SIRT1: variants seen among roughly 807,000 people sequenced by gnomAD.
SIRT1 encodes NAD-dependent protein deacetylase sirtuin-1.
In SIRT1, 24 loss-of-function variants were observed where a neutral mutation model predicts 67.9. The observed-to-expected ratio is 0.35, with a 90% CI of 0.26 to 0.50. SIRT1 has a LOEUF of 0.50. SIRT1 is among the 20% of genes least tolerant of loss of function. The pLI is 0.98. For missense variants in SIRT1, 873 were observed against 937.2 expected (o/e 0.93, Z 0.89); for synonymous variants, 378 against 350.7 (o/e 1.08, Z -0.87).
chr10:67,885,458 G>C (rs1245199119), intron 1 of SIRT1: 6 of 1,136,900 alleles, frequency 5.3e-6, no homozygotes, highest in Non-Finnish European at 6.6e-6. Context: ...TACTCTTTTA[G>C]CATATTGCTT....
intron 2 of SIRT1, among the ~76,000 whole-genome samples, chr10:67,888,110 A>T (rs1335490063): frequency 6.6e-6 from 1 of 152,246 alleles, no homozygotes; most frequent in East Asian, 1.9e-4. Flanking sequence ...TGCCTGGCAC[A>T]TAGTTTGTGC....
chr10:67,895,213 A>C (rs1842634597), intron 4 of SIRT1, among the ~76,000 whole-genome samples: 1 of 152,088 alleles, frequency 6.6e-6, no homozygotes, highest in Non-Finnish European at 1.5e-5. Context: ...TGAGGTCAGG[A>C]GTTCAAGACC....
At chr10:67,901,096 G>A (rs1286213667) in intron 4 of SIRT1, among the ~76,000 whole-genome samples, 1 of 152,126 alleles carries the variant, frequency 6.6e-6, no homozygotes, top group Non-Finnish European at 1.5e-5. Context: ...GAAAACTTGA[G>A]GGTGAAGGAT....
Position 67,917,750 on chromosome 10 carries a change from T to C in SIRT1, c.*1157T>C, listed in dbSNP as rs2029967321. On this transcript the variant is annotated 3_prime_UTR_variant, in exon 9 of 9. Transcript: ENST00000212015. ...GATGATGTAACTTGTAATAGCAGAA[T>C]AGTTAATGAATGAAACTAGTTCTTA... 6.5e-6 allele frequency: 1 copy of C among 152,692 alleles called. No individual in the cohort carries two copies. The highest frequency in any genetic ancestry group is 2.1e-4 in the South Asian group (1 of 4,834). 9.5% of individuals were successfully genotyped at this position (152,692 alleles called of 1,614,324 possible).
chr10:67,901,722 T>G (rs1406886006), intron 4 of SIRT1, among the ~76,000 whole-genome samples: 1 of 152,266 alleles, frequency 6.6e-6, no homozygotes, highest in Non-Finnish European at 1.5e-5. Context: ...TTGTGTTAGG[T>G]TAATACAGGG....
chr10:67,914,011 A>G (rs1183792854), intron 8 of SIRT1, among the ~76,000 whole-genome samples: 1 of 151,886 alleles, frequency 6.6e-6, no homozygotes, highest in African/African-American at 2.4e-5. Context: ...CTGCTGAAGA[A>G]CAAAGTACTT....
chr10:67,896,636 A>C (rs1042697042), intron 4 of SIRT1, among the ~76,000 whole-genome samples: 2 of 151,924 alleles, frequency 1.3e-5, no homozygotes, highest in Non-Finnish European at 2.9e-5. Flanking sequence ...CTCTACTAAA[A>C]ATACAAAAAT....
intron 4 of SIRT1, among the ~76,000 whole-genome samples, chr10:67,894,152 T>C (rs756543897): frequency 3.9e-5 from 6 of 152,176 alleles, no homozygotes; most frequent in Non-Finnish European, 7.3e-5. Context: ...ATCCAGGTTG[T>C]GGTATATTAA....
At chr10:67,911,576 T>G (rs1005655417) in intron 7 of SIRT1, among the ~76,000 whole-genome samples, 3 of 152,028 alleles carry the variant, frequency 2.0e-5, no homozygotes, top group African/African-American at 7.2e-5. Context: ...AGGTTTATAA[T>G]AGCGTAGAAT....
intron 3 of SIRT1, among the ~76,000 whole-genome samples, chr10:67,889,392 C>T (rs1321007390): frequency 6.6e-6 from 1 of 152,086 alleles, no homozygotes; most frequent in South Asian, 2.1e-4. Context: ...TATCATAGCT[C>T]CTAAAGGAGA....
intron 4 of SIRT1, among the ~76,000 whole-genome samples, chr10:67,902,044 A>G (rs1214809083): frequency 6.6e-6 from 1 of 152,208 alleles, no homozygotes; most frequent in Non-Finnish European, 1.5e-5. Flanking sequence ...GCTGGAGTGC[A>G]GTGGCGCTAT....
intron 4 of SIRT1, chr10:67,906,077 C>A: frequency 8.8e-7 from 1 of 1,134,688 alleles, no homozygotes; most frequent in Non-Finnish European, 1.1e-6. Flanking sequence ...TTAATAAAAA[C>A]ACTGTCAAAA....
intron 4 of SIRT1, among the ~76,000 whole-genome samples, chr10:67,892,502 G>C (rs1842588937): frequency 6.6e-6 from 1 of 152,164 alleles, no homozygotes; most frequent in South Asian, 2.1e-4. Flanking sequence ...GAGCTCAGGA[G>C]CTCAAGACTG....
At chr10:67,911,911 C>T (rs935077308) in intron 7 of SIRT1, among the ~76,000 whole-genome samples, 1 of 151,638 alleles carries the variant, frequency 6.6e-6, no homozygotes, top group Non-Finnish European at 1.5e-5. Context: ...TAGAGGCATG[C>T]GCTACCACAC....
chr10:67,892,589 T>C (rs922506459), intron 4 of SIRT1, among the ~76,000 whole-genome samples: 1 of 151,454 alleles, frequency 6.6e-6, no homozygotes. Flanking sequence ...GTATGTTTTT[T>C]GAAGTTTACT....
intron 1 of SIRT1, 58 bp downstream of exon 1, chr10:67,885,209 C>CT: frequency 3.1e-6 from 4 of 1,285,112 alleles, no homozygotes; most frequent in Non-Finnish European, 4.0e-6. Flanking sequence ...CCCCGGGCTC[C>CT]TACTGGCCTG....
chr10:67,904,123 G>GTTTT lies in SIRT1; in HGVS notation c.943-2664_943-2663insTTTT, dbSNP rs1262495636. On this transcript the variant is annotated intron_variant, in intron 4 of 8. Coordinates refer to ENST00000212015, the MANE Select transcript of SIRT1 (RefSeq NM_012238.5). The stretch of plus-strand genomic sequence containing the variant: ...TATTTCAGATTTTTTAGTTTTTTTT[G>GTTTT]TTTGTTTTTTTTTTTTTTTTTTTTA... Among the ~76,000 whole-genome samples, 90 of 115,378 alleles carry GTTTT rather than the reference G, an allele frequency of 7.8e-4. 2 individuals carry two copies. Among genetic ancestry groups the GTTTT allele is most frequent in the Middle Eastern group, 4.3e-3 (1 of 234 alleles). 75.7% of individuals were successfully genotyped at this position (115,378 alleles called of 152,430 possible).
chr10:67,902,807 A>C (rs1842763300), intron 4 of SIRT1, among the ~76,000 whole-genome samples: 1 of 152,188 alleles, frequency 6.6e-6, no homozygotes, highest in Non-Finnish European at 1.5e-5. Context: ...TAAAGAGGGA[A>C]TTTTGGCTGG....
intron 8 of SIRT1, among the ~76,000 whole-genome samples, chr10:67,914,565 G>A (rs2029868655): frequency 6.6e-6 from 1 of 152,218 alleles, no homozygotes; most frequent in Non-Finnish European, 1.5e-5. Context: ...TAGATACACA[G>A]TTGTCTCTAG....
Sources: allele counts gnomAD v4.1 joint callset (sites outside exome capture counted in the v4.1 genomes callset), GRCh38; gene constraint gnomAD v4.1.1; transcripts MANE v1.5; gene names NCBI Gene and HGNC (gene_info 2026-07-23, HGNC 2026-07-21).